Variants in POLR2F observed in about 807,000 individuals in gnomAD.
The protein encoded by POLR2F is RNA polymerase II, I and III subunit F.
A neutral mutation model predicts 22.7 loss-of-function variants in POLR2F; 12 were observed. That is an observed-to-expected ratio of 0.53 (90% CI 0.34 to 0.86). The LOEUF (loss-of-function observed/expected upper bound fraction) is 0.86. Among genes scored for constraint, POLR2F ranks in the 40% least tolerant of loss-of-function variants. POLR2F has a pLI of 0.02. For missense variants in POLR2F, 126 were observed against 171.5 expected, an observed-to-expected ratio of 0.73 and a Z score of 1.48; for synonymous variants, 57 against 66.0, an observed-to-expected ratio of 0.86 and a Z score of 0.66.
At chr22:37,983,332 G>GC (rs770871672), upstream of POLR2F, 16 of 1,593,304 alleles carry the variant, frequency 1.0e-5, no homozygotes, top group Admixed American at 3.5e-5. The surrounding 1 kb of genome is among the most constrained non-coding windows in gnomAD (Gnocchi z 9.5). Context: ...GAGGGCCCGA[G>GC]CCCGGGGGGC....
intron 4 of POLR2F, among the ~76,000 whole-genome samples, chr22:37,979,757 G>A (rs956206502): frequency 6.6e-6 from 1 of 152,144 alleles, no homozygotes; most frequent in African/African-American, 2.4e-5. Context: ...GCCCCAGGGT[G>A]AGGAGGGCAG....
intron 1 of POLR2F, chr22:38,025,555 T>C: frequency 1.4e-6 from 2 of 1,477,620 alleles, no homozygotes; most frequent in Non-Finnish European, 1.8e-6. Flanking sequence ...GTCCACGCCC[T>C]TCTCCCATCT....
intron 1 of POLR2F, among the ~76,000 whole-genome samples, chr22:38,014,363 T>A (rs2084897997): frequency 6.6e-6 from 1 of 151,678 alleles, no homozygotes; most frequent in South Asian, 2.1e-4. Context: ...TATTTTTTTT[T>A]TTTTGAGACA....
chr22:37,959,278 A>G, intron 2 of POLR2F, 68 bp from the exon 3 acceptor site: 1 of 1,532,342 alleles, frequency 6.5e-7, no homozygotes, highest in Non-Finnish European at 9.0e-7. Flanking sequence ...GATTGTTGTC[A>G]TTATCACTCT....
intron 1 of POLR2F, among the ~76,000 whole-genome samples, chr22:37,955,749 C>T (rs1033082010): frequency 6.6e-6 from 1 of 151,776 alleles, no homozygotes; most frequent in East Asian, 1.9e-4. Context: ...GTGGGGTGAC[C>T]GTGGCTCAGT....
chr22:37,978,789 T>C lies in POLR2F; in HGVS notation c.293+11619T>C, dbSNP rs1329235690. On this transcript the variant is annotated intron_variant, in intron 4 of 4. Coordinates refer to the POLR2F transcript ENST00000405557. This position sits in a 1 kb window ranked among gnomAD's most constrained non-coding sequence, Gnocchi z 5.0. ...AGGTGCTTTTCTTTCTTTCTTTTTTTTTTCTGTGAGGGAATCTCACTCTGT... is the reference window on the plus strand; with the variant it reads ...AGGTGCTTTTCTTTCTTTCTTTTTTCTTTCTGTGAGGGAATCTCACTCTGT... Among the ~76,000 whole-genome samples, 1 of 152,090 alleles carries C rather than the reference T, an allele frequency of 6.6e-6. No individual in the cohort carries two copies. The highest frequency in any genetic ancestry group is 2.4e-5 in the African/African-American group (1 of 41,410).
intron 5 of POLR2F, among the ~76,000 whole-genome samples, chr22:38,035,747 G>A (rs1341332875): frequency 6.6e-6 from 1 of 152,180 alleles, no homozygotes; most frequent in Non-Finnish European, 1.5e-5. Context: ...AGAAGAGGAG[G>A]GGAAGCCCTG....
rs925892769 is a variant in POLR2F, at chr22:38,016,500, G to A, written c.121-9369G>A. The stretch of plus-strand genomic sequence containing the variant: ...GGGCCCTTTAGCCATGATGCCCTCT[G>A]ACCTTTCATAAATCAGAGGGGCTTA... On this transcript the variant is annotated intron_variant, in intron 1 of 2. Coordinates refer to the POLR2F transcript ENST00000333418. The surrounding 1 kb of genome is among the most constrained non-coding windows in gnomAD (Gnocchi z 4.4). Among the ~76,000 whole-genome samples the A allele has an allele frequency of 6.6e-6, 1 of 152,216 alleles. No homozygotes were observed. Among genetic ancestry groups the A allele is most frequent in the Non-Finnish European group, 1.5e-5 (1 of 68,038 alleles).
At chr22:37,972,396 G>A (rs999865083), downstream of POLR2F, 12 of 408,234 alleles carry the variant, frequency 2.9e-5, no homozygotes, top group Non-Finnish European at 5.8e-5. Context: ...GGACTACTGA[G>A]ATAAATAACA....
intron 2 of POLR2F, among the ~76,000 whole-genome samples, chr22:37,958,223 C>G (rs981734616): frequency 1.4e-5 from 2 of 146,982 alleles, no homozygotes; most frequent in Non-Finnish European, 1.5e-5. Flanking sequence ...GGGTCTTGCT[C>G]TGTCGCCCAG....
chr22:38,025,617 C>A, intron 1 of POLR2F: 1 of 1,558,328 alleles, frequency 6.4e-7, no homozygotes, highest in Non-Finnish European at 8.7e-7. Context: ...CTGAGACCCT[C>A]CTACGCACTG....
intron 1 of POLR2F, chr22:38,025,568 C>T: frequency 6.7e-7 from 1 of 1,495,218 alleles, no homozygotes; most frequent in Non-Finnish European, 8.9e-7. Flanking sequence ...TCCCATCTCT[C>T]TCATTTCCAG....
At chr22:38,030,908 G>A (rs1003947314), downstream of POLR2F, among the ~76,000 whole-genome samples, 13 of 152,078 alleles carry the variant, frequency 8.5e-5, no homozygotes, top group Non-Finnish European at 1.3e-4. Context: ...CAGATCAGTC[G>A]GCTGTCACCA....
upstream of POLR2F, chr22:37,953,694 A>G: frequency 1.4e-6 from 2 of 1,473,176 alleles, no homozygotes; most frequent in Non-Finnish European, 1.8e-6. Context: ...GCGCAGGCGC[A>G]AGATAAGCTA....
chr22:37,996,508 C>T (rs1421886502), intron 1 of POLR2F, among the ~76,000 whole-genome samples: 1 of 152,228 alleles, frequency 6.6e-6, no homozygotes, highest in Non-Finnish European at 1.5e-5. Flanking sequence ...GGGGACTGCC[C>T]TGGCAGCCCC....
chr22:37,964,612 C>T (rs1033897988), intron 3 of POLR2F, among the ~76,000 whole-genome samples: 4 of 134,710 alleles, frequency 3.0e-5, no homozygotes, highest in African/African-American at 1.1e-4. Flanking sequence ...GCTCTTGTTG[C>T]CCAGGCTGGA....
At chr22:37,962,941 C>T (rs568452238) in intron 3 of POLR2F, among the ~76,000 whole-genome samples, 2 of 151,492 alleles carry the variant, frequency 1.3e-5, no homozygotes, top group Admixed American at 6.6e-5. Context: ...CTGCCTGCCT[C>T]GGCCTCCCAA....
intron 2 of POLR2F, among the ~76,000 whole-genome samples, chr22:37,958,210 A>T (rs1931479048): frequency 7.3e-6 from 1 of 136,394 alleles, no homozygotes. Flanking sequence ...TTTTTTTGAG[A>T]CGGGGTCTTG....
At chr22:37,972,188 A>T, downstream of POLR2F, 1 of 1,177,272 alleles carries the variant, frequency 8.5e-7, no homozygotes, top group Non-Finnish European at 1.1e-6. Context: ...GAGGTGGGAG[A>T]GAGAGACCTT....
Sources: allele counts gnomAD v4.1 joint callset (sites outside exome capture counted in the v4.1 genomes callset), GRCh38; gene constraint gnomAD v4.1.1; non-coding constraint Gnocchi (gnomAD v3.1); transcripts MANE v1.5; gene names NCBI Gene and HGNC (gene_info 2026-07-23, HGNC 2026-07-21).